The following HS6ST2 variants were observed in gnomAD, a reference collection of about 807,000 sequenced individuals.
The protein encoded by HS6ST2 is heparan-sulfate 6-O-sulfotransferase 2.
In HS6ST2, 17 loss-of-function variants were observed where a neutral mutation model predicts 33.0. The ratio of observed to expected loss-of-function variants is 0.52; its 90% CI spans 0.35 to 0.77. The LOEUF is 0.77. Ranked by LOEUF, HS6ST2 falls within the 30% of genes least tolerant of loss-of-function variation. HS6ST2 has a pLI of 0.01. For missense variants in HS6ST2, 519 were observed against 551.7 expected (o/e 0.94, Z 0.59); for synonymous variants, 248 against 237.1 (o/e 1.05, Z -0.42).
chrX:132,756,078 C>G (rs1335076837), intron 2 of HS6ST2, among the ~76,000 whole-genome samples: 1 of 112,132 alleles, frequency 8.9e-6, no homozygotes, highest in African/African-American at 3.2e-5. Context: ...TGACAATGAT[C>G]TACTTCTGGT....
Position 132,866,300 on chromosome X carries a change from G to A in HS6ST2, c.947+90508C>T, listed in dbSNP as rs772383538. ...AGATCAGATAGTTGTAGATAGCAGC[G>A]TTATTTCTGAGGGCTCTGTTCTGTT... On this transcript the variant is annotated intron_variant, in intron 2 of 4. Coordinates refer to ENST00000370833, the MANE Select transcript of HS6ST2 (RefSeq NM_001394073.1). Among the ~76,000 whole-genome samples, 33 of 107,423 alleles carry A rather than the reference G, an allele frequency of 3.1e-4. No homozygotes were observed. In the South Asian group the frequency reaches 0.011, roughly 36 times the overall value. 93.3% of individuals were successfully genotyped at this position (107,423 alleles called of 115,157 possible).
intron 2 of HS6ST2, among the ~76,000 whole-genome samples, chrX:132,735,553 C>T (rs1242008009): frequency 8.9e-6 from 1 of 111,787 alleles, no homozygotes; most frequent in African/African-American, 3.2e-5. Flanking sequence ...TCTGAGTAGG[C>T]CAGTAATCTG....
At chrX:132,943,136 G>C (rs1045071657) in intron 2 of HS6ST2, among the ~76,000 whole-genome samples, 2 of 111,849 alleles carry the variant, frequency 1.8e-5, no homozygotes, top group African/African-American at 6.5e-5. Context: ...ATTTTTAAAA[G>C]GTGTTTTTTT....
intron 2 of HS6ST2, among the ~76,000 whole-genome samples, chrX:132,811,218 C>G (rs933267548): frequency 4.5e-5 from 5 of 111,225 alleles, no homozygotes; most frequent in African/African-American, 1.6e-4. Flanking sequence ...AGAGGTAGCT[C>G]TTACACGAGG....
At chrX:132,746,231 C>T (rs56343563) in intron 2 of HS6ST2, among the ~76,000 whole-genome samples, 55,043 of 110,193 alleles carry the variant, frequency 0.5, 10,185 homozygotes, top group Middle Eastern at 0.57. Flanking sequence ...AAAGTAAGGG[C>T]GGCCGGGCAC....
intron 4 of HS6ST2, among the ~76,000 whole-genome samples, chrX:132,637,850 A>T (rs6634905): frequency 0.11 from 4,619 of 41,106 alleles, 297 homozygotes; most frequent in African/African-American, 0.3. Flanking sequence ...TTTTATATAT[A>T]ATATATATAT....
intron 2 of HS6ST2, among the ~76,000 whole-genome samples, chrX:132,833,604 A>C (rs906759268): frequency 3.6e-5 from 4 of 110,868 alleles, no homozygotes; most frequent in Non-Finnish European, 7.6e-5. Context: ...GCAATTAGGA[A>C]ACCTGTAAAA....
intron 2 of HS6ST2, among the ~76,000 whole-genome samples, chrX:132,850,241 C>CAATGTATT (rs2065789801): frequency 8.9e-6 from 1 of 112,035 alleles, no homozygotes; most frequent in South Asian, 3.7e-4. Flanking sequence ...ACATCGTAGT[C>CAATGTATT]AATGTATTAT....
intron 2 of HS6ST2, among the ~76,000 whole-genome samples, chrX:132,866,773 C>T (rs2065988369): frequency 1.2e-5 from 1 of 82,061 alleles, no homozygotes; most frequent in African/African-American, 4.7e-5. Context: ...TGATTTGGCT[C>T]TCTGTTTGTC....
chrX:132,822,433 G>A (rs1009278671), intron 2 of HS6ST2, among the ~76,000 whole-genome samples: 11 of 111,407 alleles, frequency 9.9e-5, no homozygotes, highest in Admixed American at 9.5e-5. Context: ...GGAAGGAGAA[G>A]AGTAAGGCCC....
chrX:132,804,310 C>T (rs1454402245), intron 2 of HS6ST2, among the ~76,000 whole-genome samples: 1 of 111,828 alleles, frequency 8.9e-6, no homozygotes, highest in East Asian at 2.8e-4. Context: ...TAGAACCCTG[C>T]CCCGAGCAAG....
chrX:132,717,557 C>A (rs1002898961), intron 2 of HS6ST2, among the ~76,000 whole-genome samples: 4 of 112,231 alleles, frequency 3.6e-5, no homozygotes, highest in Admixed American at 2.8e-4. Flanking sequence ...GGGTCAAGTA[C>A]ATGAAACATC....
intron 2 of HS6ST2, among the ~76,000 whole-genome samples, chrX:132,772,825 T>C (rs2064917185): frequency 1.1e-5 from 1 of 87,056 alleles, no homozygotes; most frequent in Non-Finnish European, 2.1e-5. Flanking sequence ...TTATATTATA[T>C]ATTCTATAAT....
chrX:132,715,958 G>A (rs976805221), intron 2 of HS6ST2, among the ~76,000 whole-genome samples: 2 of 112,277 alleles, frequency 1.8e-5, no homozygotes, highest in African/African-American at 3.2e-5. Flanking sequence ...TACCTGGATC[G>A]TGTATTGCCA....
At chrX:132,649,441 G>A (rs761833827) in intron 4 of HS6ST2, among the ~76,000 whole-genome samples, 7 of 112,178 alleles carry the variant, frequency 6.2e-5, no homozygotes, top group Non-Finnish European at 1.3e-4. Context: ...ATTGCCACAG[G>A]GAGCCAGAGA....
At chrX:132,914,907 A>G (rs1011743613) in intron 2 of HS6ST2, among the ~76,000 whole-genome samples, 12 of 112,890 alleles carry the variant, frequency 1.1e-4, no homozygotes, top group African/African-American at 2.9e-4. Flanking sequence ...ATGATCAAAC[A>G]TTTAAACTTC....
chrX:132,829,184 A>ATG (rs2065561577), intron 2 of HS6ST2, among the ~76,000 whole-genome samples: 1 of 64,512 alleles, frequency 1.6e-5, no homozygotes. Context: ...GAACATATAT[A>ATG]TATATATATA....
chrX:132,867,338 T>G, intron 2 of HS6ST2, among the ~76,000 whole-genome samples: 1 of 108,738 alleles, frequency 9.2e-6, no homozygotes. Flanking sequence ...GCCCACTTGA[T>G]CATGGTGGAT....
chrX:132,787,186 TACATATATATATACACATATATATATAC>T lies in HS6ST2; in HGVS notation c.948-78720_948-78693del, dbSNP rs1348493532. The stretch of plus-strand genomic sequence containing the variant: ...ATATATGTATATATATATATATATA[TACATATATATATACACATATATATATAC>T]ACATATATATATACACATATATATA... On this transcript the variant is annotated intron_variant, in intron 2 of 4. Coordinates refer to ENST00000370833, the MANE Select transcript of HS6ST2 (RefSeq NM_001394073.1). 3.9e-5 allele frequency among the ~76,000 whole-genome samples: 3 copies of T among 77,160 alleles called. No individual in the cohort carries two copies. The Admixed American group carries it at 4.4e-4, about 11-fold the overall frequency. The allele number at this position is 77,160 out of a possible 115,157, so 67.0% of individuals were successfully genotyped here.
Sources: allele counts gnomAD v4.1 joint callset (sites outside exome capture counted in the v4.1 genomes callset), GRCh38; gene constraint gnomAD v4.1.1; transcripts MANE v1.5; gene names NCBI Gene and HGNC (gene_info 2026-07-23, HGNC 2026-07-21).